Variants in DSCAM observed in about 807,000 individuals in gnomAD.
The protein encoded by DSCAM is DS cell adhesion molecule, also known as cell adhesion molecule DSCAM.
A neutral mutation model predicts 217.7 loss-of-function variants in DSCAM; 47 were observed. That is an observed-to-expected ratio of 0.22 (90% CI 0.17 to 0.28). The LOEUF is 0.28. Ranked by LOEUF, DSCAM falls within the 10% of genes least tolerant of loss-of-function variation. DSCAM has a pLI of 1.00. For missense variants in DSCAM, 2,080 were observed against 2,618.3 expected (o/e 0.79, Z 4.49); for synonymous variants, 1,056 against 1,015.3 (o/e 1.04, Z -0.76).
chr21:40,090,270 T>C (rs537973540), intron 21 of DSCAM, among the ~76,000 whole-genome samples: 3 of 152,124 alleles, frequency 2.0e-5, no homozygotes, highest in East Asian at 3.9e-4. Context: ...TCATGAAAAA[T>C]AATGAACCCA....
At chr21:40,185,662 A>C (rs1334675754) in intron 14 of DSCAM, among the ~76,000 whole-genome samples, 1 of 152,238 alleles carries the variant, frequency 6.6e-6, no homozygotes, top group Admixed American at 6.5e-5. Flanking sequence ...GTTCCAGGAC[A>C]GTTTCTGCTC....
intron 19 of DSCAM, among the ~76,000 whole-genome samples, chr21:40,127,224 C>G (rs1048174582): frequency 6.6e-6 from 1 of 152,158 alleles, no homozygotes; most frequent in Admixed American, 6.5e-5. Flanking sequence ...TAATAACCAT[C>G]CTTATGTCCT....
At chr21:40,295,767 G>A (rs1031711554) in intron 10 of DSCAM, among the ~76,000 whole-genome samples, 4 of 152,182 alleles carry the variant, frequency 2.6e-5, no homozygotes, top group Admixed American at 6.5e-5. Context: ...ATGTAATACA[G>A]GTGGGCAAGG....
At chr21:40,649,131 T>C (rs12482444) in intron 3 of DSCAM, among the ~76,000 whole-genome samples, 61,694 of 152,066 alleles carry the variant, frequency 0.41, 12,965 homozygotes, top group East Asian at 0.6. Flanking sequence ...ATCAGGCCAG[T>C]GCACTACATC....
chr21:40,663,454 T>C (rs1380673160), intron 3 of DSCAM, among the ~76,000 whole-genome samples: 1 of 152,144 alleles, frequency 6.6e-6, no homozygotes, highest in African/African-American at 2.4e-5. Context: ...GCTTCAACAC[T>C]GGACCACGTA....
rs561094946 is a variant in DSCAM, at chr21:40,575,629, A to C, written c.508+117181T>G. Among the ~76,000 whole-genome samples the C allele has an allele frequency of 9.2e-5, 14 of 152,346 alleles. No individual in the cohort carries two copies. In the East Asian group the frequency reaches 2.7e-3, roughly 29 times the overall value. On this transcript the variant is annotated intron_variant, in intron 3 of 32. Transcript: ENST00000400454. ...AGTCCGACTCAACTCCTTATGTTAA[A>C]ATTAACTAGAGAAAAATAAAAGAAT...
At chr21:40,539,811 T>C (rs950471742) in intron 3 of DSCAM, among the ~76,000 whole-genome samples, 13 of 152,226 alleles carry the variant, frequency 8.5e-5, no homozygotes, top group African/African-American at 3.1e-4. Context: ...GATGAAAGCA[T>C]AGTCTCTATA....
chr21:40,274,753 C>T (rs2073664420), intron 11 of DSCAM, among the ~76,000 whole-genome samples: 2 of 152,052 alleles, frequency 1.3e-5, no homozygotes, highest in East Asian at 1.9e-4. Flanking sequence ...AAATATATTC[C>T]AAAACAACCC....
chr21:40,094,299 A>G (rs11909335), intron 20 of DSCAM, among the ~76,000 whole-genome samples: 2,312 of 152,292 alleles, frequency 0.015, 51 homozygotes, highest in African/African-American at 0.052. Flanking sequence ...CCACAATCGC[A>G]GAGATTTTGC....
chr21:40,706,367 A>G (rs2090718043), intron 2 of DSCAM, among the ~76,000 whole-genome samples: 1 of 152,268 alleles, frequency 6.6e-6, no homozygotes, highest in African/African-American at 2.4e-5. Context: ...CCCTTAGAAC[A>G]GGCAAGAAAA....
chr21:40,555,448 C>T (rs1220239610), intron 3 of DSCAM, among the ~76,000 whole-genome samples: 1 of 152,112 alleles, frequency 6.6e-6, no homozygotes, highest in Non-Finnish European at 1.5e-5. Flanking sequence ...GCTTCTGAAA[C>T]CTTCTAAATA....
intron 1 of DSCAM, among the ~76,000 whole-genome samples, chr21:40,759,507 C>T (rs1220173829): frequency 1.3e-5 from 2 of 152,194 alleles, no homozygotes; most frequent in African/African-American, 4.8e-5. Context: ...ACCCATATCC[C>T]TGGGGGCAGC....
intron 3 of DSCAM, among the ~76,000 whole-genome samples, chr21:40,686,128 G>A (rs984435549): frequency 3.6e-5 from 5 of 138,162 alleles, no homozygotes; most frequent in South Asian, 2.4e-4. Context: ...CACAGATACA[G>A]AGCACACACA....
rs557548588 is a variant in DSCAM at position 40,215,524 on chromosome 21, G to A, written c.2357-26286C>T. On this transcript the variant is annotated intron_variant, in intron 11 of 32. Transcript: ENST00000400454. The stretch of plus-strand genomic sequence containing the variant: ...TTATAGCAACTTGGATGAAACTGGG[G>A]GCCGTTATTCTAAGTGAAGTAACTC... 7.2e-5 allele frequency among the ~76,000 whole-genome samples: 11 copies of A among 152,198 alleles called. No individual in the cohort carries two copies. In the East Asian group the frequency reaches 1.9e-3, roughly 27 times the overall value.
chr21:40,041,699 C>A (rs1046591209), intron 32 of DSCAM, among the ~76,000 whole-genome samples: 1 of 152,114 alleles, frequency 6.6e-6, no homozygotes, highest in South Asian at 2.1e-4. Context: ...AAGTTGAAGA[C>A]CAAACTGCTG....
At chr21:40,500,427 T>C (rs1000945575) in intron 3 of DSCAM, among the ~76,000 whole-genome samples, 2 of 152,212 alleles carry the variant, frequency 1.3e-5, no homozygotes, top group Admixed American at 1.3e-4. Context: ...CAGGAATAAA[T>C]ATCTGTTTTA....
intron 32 of DSCAM, among the ~76,000 whole-genome samples, chr21:40,029,221 G>A (rs576642939): frequency 5.1e-4 from 78 of 152,060 alleles, no homozygotes; most frequent in Non-Finnish European, 1.0e-3. Flanking sequence ...TTCTTCTTAT[G>A]ATGTTTATCC....
Position 40,466,368 on chromosome 21 carries a change from T to C in DSCAM, c.509-97123A>G, listed in dbSNP as rs139337306. Among the ~76,000 whole-genome samples, 289 of 152,252 alleles carry C rather than the reference T, an allele frequency of 1.9e-3. 2 individuals carry two copies. The highest frequency in any genetic ancestry group is 6.8e-3 in the African/African-American group (281 of 41,546). ...ACAGTTCCTACCTGATGGTTGATTG[T>C]TGATCCACGTAGCCCCAGGGTTACA... On this transcript the variant is annotated intron_variant, in intron 3 of 32. Transcript: ENST00000400454.
At chr21:40,552,905 A>G (rs1160865710) in intron 3 of DSCAM, among the ~76,000 whole-genome samples, 1 of 152,138 alleles carries the variant, frequency 6.6e-6, no homozygotes, top group Admixed American at 6.5e-5. Context: ...GGACTGAAGT[A>G]TTACAGCAAT....
Sources: gnomAD v4.1 joint callset for allele counts (sites outside exome capture counted in the v4.1 genomes callset) on GRCh38, gnomAD v4.1.1 for gene constraint, MANE v1.5 for transcripts, NCBI Gene and HGNC (gene_info 2026-07-23, HGNC 2026-07-21) for gene names.